The following FOXP1 variants were observed in gnomAD, a reference collection of about 807,000 sequenced individuals.
FOXP1 encodes forkhead box protein P1.
A neutral mutation model predicts 98.2 loss-of-function variants in FOXP1; 15 were observed. The observed-to-expected ratio is 0.15, with a 90% CI of 0.10 to 0.24. FOXP1 has a LOEUF of 0.24. Among genes scored for constraint, FOXP1 ranks in the 10% least tolerant of loss-of-function variants. The pLI is 1.00. For synonymous variants in FOXP1, 371 were observed against 314.5 expected, an observed-to-expected ratio of 1.18 and a Z score of -1.90; for missense variants, 633 against 848.5, an observed-to-expected ratio of 0.75 and a Z score of 3.15.
At chr3:71,356,936 T>A (rs2107881289) in intron 4 of FOXP1, among the ~76,000 whole-genome samples, 1 of 152,282 alleles carries the variant, frequency 6.6e-6, no homozygotes, top group East Asian at 1.9e-4. Context: ...CTCACAAGAA[T>A]CATGTACAGG....
intron 2 of FOXP1, among the ~76,000 whole-genome samples, chr3:71,553,582 T>G (rs971138570): frequency 6.6e-6 from 1 of 152,220 alleles, no homozygotes; most frequent in Non-Finnish European, 1.5e-5. Flanking sequence ...GCAATCTTTT[T>G]TTTACCAACA....
At chr3:71,247,565 G>C (rs572380866) in intron 5 of FOXP1, among the ~76,000 whole-genome samples, 1 of 152,334 alleles carries the variant, frequency 6.6e-6, no homozygotes, top group South Asian at 2.1e-4. Context: ...AGCGACTTTG[G>C]TGGCGAAATC....
chr3:71,549,798 T>TGAA lies in FOXP1; in HGVS notation c.-298+31748_-298+31750dup, dbSNP rs542721155. On this transcript the variant is annotated intron_variant, in intron 2 of 20. Coordinates refer to ENST00000649528, the MANE Select transcript of FOXP1 (RefSeq NM_001349338.3). ...AATCATCACATGAACTGAGACTTGC[T>TGAA]GAAAGCCCTTGAGGATGGAAGAAAT... is the stretch of plus-strand genomic sequence containing the variant. Among the ~76,000 whole-genome samples the TGAA allele has an allele frequency of 2.3e-4, 34 of 146,112 alleles. No homozygotes were observed. The East Asian group carries it at 6.9e-3, about 29-fold the overall frequency.
rs1018654789 is a variant in FOXP1, at chr3:70,966,465, G to C, written c.1723-409C>G. On this transcript the variant is annotated intron_variant, in intron 19 of 20. Transcript: ENST00000649528. The stretch of plus-strand genomic sequence containing the variant: ...GATGACTCCAGTATTGGATATTAGA[G>C]ATTTTGATCAGATTATCCTGGCCGC... 4.7e-5 allele frequency: 12 copies of C among 254,172 alleles called. No homozygotes were observed. In the South Asian group the frequency reaches 6.1e-4, roughly 13 times the overall value. The allele number at this position is 254,172 out of a possible 1,614,324, so 15.7% of individuals were successfully genotyped here. A position where few individuals can be genotyped will look rare whatever the true frequency, so the allele number is the denominator to read the frequency against.
intron 3 of FOXP1, among the ~76,000 whole-genome samples, chr3:71,430,419 A>C (rs1422407979): frequency 6.6e-6 from 1 of 151,646 alleles, no homozygotes; most frequent in Non-Finnish European, 1.5e-5. Flanking sequence ...GCTTTTCCCC[A>C]CTTTTCTGGA....
Position 71,473,872 on chromosome 3 carries a change from C to T in FOXP1, c.-168+19554G>A, listed in dbSNP as rs143764713. ...ACTGTTACATCTCTAATAGTGATGA[C>T]GTCCTCATGGAGAAAGACAGTAATT... On this transcript the variant is annotated intron_variant, in intron 3 of 20. Coordinates refer to ENST00000649528, the MANE Select transcript of FOXP1 (RefSeq NM_001349338.3). Among the ~76,000 whole-genome samples, 521 of 152,232 alleles carry T rather than the reference C, an allele frequency of 3.4e-3. 3 individuals carry two copies. Among genetic ancestry groups the T allele is most frequent in the African/African-American group, 0.012 (489 of 41,516 alleles).
chr3:71,328,174 A>C (rs993147997), intron 4 of FOXP1, among the ~76,000 whole-genome samples: 1 of 152,246 alleles, frequency 6.6e-6, no homozygotes, highest in African/African-American at 2.4e-5. Context: ...TCATGCCTGT[A>C]ATCTCGGCAC....
intron 3 of FOXP1, among the ~76,000 whole-genome samples, chr3:71,447,399 G>A (rs1350639275): frequency 6.6e-6 from 1 of 152,174 alleles, no homozygotes; most frequent in East Asian, 1.9e-4. Flanking sequence ...GCCAATCTGG[G>A]CAGTGATTGG....
At chr3:71,005,027 T>C (rs2042588356) in intron 12 of FOXP1, among the ~76,000 whole-genome samples, 1 of 152,108 alleles carries the variant, frequency 6.6e-6, no homozygotes, top group African/African-American at 2.4e-5. Context: ...ATGTGTCATT[T>C]TTCCAGACCG....
intron 5 of FOXP1, among the ~76,000 whole-genome samples, chr3:71,272,296 A>G (rs1307511972): frequency 6.6e-6 from 1 of 152,188 alleles, no homozygotes; most frequent in Non-Finnish European, 1.5e-5. Context: ...ACGAGAAATA[A>G]TATGCACAAT....
intron 11 of FOXP1, among the ~76,000 whole-genome samples, chr3:71,031,172 C>T (rs1559765608): frequency 6.6e-6 from 1 of 152,094 alleles, no homozygotes; most frequent in East Asian, 1.9e-4. Flanking sequence ...CATTCACAGC[C>T]AAGATGTAAA....
intron 4 of FOXP1, among the ~76,000 whole-genome samples, chr3:71,328,034 T>G (rs1469559159): frequency 1.3e-5 from 2 of 152,168 alleles, no homozygotes; most frequent in East Asian, 3.8e-4. Flanking sequence ...TCATCAGCAG[T>G]AGAGAGATCT....
intron 3 of FOXP1, among the ~76,000 whole-genome samples, chr3:71,449,551 C>A (rs139827850): frequency 1.2e-4 from 19 of 152,304 alleles, no homozygotes; most frequent in Non-Finnish European, 2.1e-4. Context: ...TTACCAAGTT[C>A]AAAGGCAGCT....
chr3:70,981,729 T>A (rs2038904900), intron 14 of FOXP1, among the ~76,000 whole-genome samples: 1 of 152,222 alleles, frequency 6.6e-6, no homozygotes, highest in Admixed American at 6.5e-5. Flanking sequence ...ATAGAGGAGC[T>A]GCAGTCAAGT....
rs2085434781 is a variant in FOXP1 at position 71,437,035 on chromosome 3, T to TAAA, written c.-168+56390_-168+56391insTTT. Among the ~76,000 whole-genome samples the TAAA allele has an allele frequency of 2.0e-5, 3 of 152,198 alleles. No homozygotes were observed. In the South Asian group the frequency reaches 6.2e-4, roughly 32 times the overall value. On this transcript the variant is annotated intron_variant, in intron 3 of 20. Coordinates refer to ENST00000649528, the MANE Select transcript of FOXP1 (RefSeq NM_001349338.3). ...CAAAGCTGATTGAGAACAAACTTGGTATTACCATTCTGAAAAACAGAAAGC... is the reference window on the plus strand; with the variant it reads ...CAAAGCTGATTGAGAACAAACTTGGTAAAATTACCATTCTGAAAAACAGAAAGC...
chr3:71,315,016 G>A (rs965990751), intron 4 of FOXP1, among the ~76,000 whole-genome samples: 5 of 140,668 alleles, frequency 3.6e-5, no homozygotes, highest in Non-Finnish European at 7.5e-5. Context: ...AATTACAAGC[G>A]GGAATAAGGC....
chr3:70,989,985 G>T (rs1040566837), intron 13 of FOXP1, among the ~76,000 whole-genome samples: 3 of 152,152 alleles, frequency 2.0e-5, no homozygotes, highest in Admixed American at 2.0e-4. Flanking sequence ...CACATACCTA[G>T]AATTTGTATA....
chr3:71,371,144 A>G (rs2079284802), intron 3 of FOXP1, among the ~76,000 whole-genome samples: 1 of 152,238 alleles, frequency 6.6e-6, no homozygotes, highest in East Asian at 1.9e-4. Flanking sequence ...TCAATTTCTA[A>G]CAAGTTCTCA....
chr3:71,479,856 T>A (rs561963868), intron 3 of FOXP1, among the ~76,000 whole-genome samples: 1 of 152,154 alleles, frequency 6.6e-6, no homozygotes, highest in Admixed American at 6.5e-5. Flanking sequence ...CTAACCGAAG[T>A]CTCCAACTTT....
Sources: allele counts gnomAD v4.1 joint callset (sites outside exome capture counted in the v4.1 genomes callset), GRCh38; gene constraint gnomAD v4.1.1; transcripts MANE v1.5; gene names NCBI Gene and HGNC (gene_info 2026-07-23, HGNC 2026-07-21).